CXCL5: variants seen among roughly 807,000 people sequenced by gnomAD.
CXCL5 encodes C-X-C motif chemokine ligand 5.
CXCL5 carries 13 observed loss-of-function variants against 12.1 expected under a neutral mutation model. That is an observed-to-expected ratio of 1.08 (90% confidence interval 0.70 to 1.71). The LOEUF (loss-of-function observed/expected upper bound fraction) is 1.71, where lower values mean the gene tolerates loss of function less well. CXCL5 is among the 40% of genes most tolerant of loss of function. The pLI, the probability that CXCL5 is intolerant of heterozygous loss-of-function variation, is 0.00. For missense variants in CXCL5, 159 were observed against 142.4 expected (o/e 1.12, Z -0.59); for synonymous variants, 67 against 59.0 (o/e 1.14, Z -0.62).
At chr4:73,997,705 T>C (rs781381640) in intron 3 of CXCL5, 50 bp from the exon 4 acceptor site, 1 of 1,412,232 alleles carries the variant, frequency 7.1e-7, no homozygotes, top group Admixed American at 2.0e-5. Flanking sequence ...CACTCCTTTC[T>C]ACTCCACCCT....
In CXCL5 at chr4:73,997,189, A is replaced by G. The variant is rs1719212451; in HGVS notation, c.*448T>C. On this transcript the variant is annotated 3_prime_UTR_variant, in exon 4 of 4. Coordinates refer to ENST00000296027, the MANE Select transcript of CXCL5 (RefSeq NM_002994.5). The stretch of plus-strand genomic sequence containing the variant: ...TATTTCTTATAAAAGTGAAGATAAC[A>G]GTGTATTTCCATCAACAGAATTCTT... 6.4e-6 allele frequency: 1 copy of G among 155,724 alleles called. No individual in the cohort carries two copies. Among genetic ancestry groups the G allele is most frequent in the Non-Finnish European group, 1.4e-5 (1 of 70,536 alleles). The allele number at this position is 155,724 out of a possible 1,614,324, so 9.6% of individuals were successfully genotyped here.
At position 73,997,634 on chromosome 4, in the gene CXCL5, T is replaced by G. The variant is rs775872229; in HGVS notation, c.*3A>C. 1.9e-6 allele frequency: 3 copies of G among 1,609,778 alleles called. No individual in the cohort carries two copies. In the South Asian group the frequency reaches 3.3e-5, roughly 18 times the overall value. On this transcript the variant is annotated 3_prime_UTR_variant, in exon 4 of 4. Transcript: ENST00000296027. ...CTTTTCCATGCGTGCTCATTTCTCT[T>G]AATCAGTTTTCCTTGTTTCCACTGT...
Position 73,997,556 on chromosome 4 carries a change from T to C in CXCL5, c.*81A>G, listed in dbSNP as rs1187447413. 2.0e-6 allele frequency: 2 copies of C among 1,024,884 alleles called. No individual in the cohort carries two copies. Among genetic ancestry groups the C allele is most frequent in the Non-Finnish European group, 3.0e-6 (2 of 675,632 alleles). The allele number at this position is 1,024,884 out of a possible 1,614,324, so 63.5% of individuals were successfully genotyped here. Reference sequence around the variant, plus strand: ...ACAACAACAAAATCTTTCCTTCTTGTCTTCCCTGGGTTCAGAGACCTCCAG... The same window carrying C: ...ACAACAACAAAATCTTTCCTTCTTGCCTTCCCTGGGTTCAGAGACCTCCAG... On this transcript the variant is annotated 3_prime_UTR_variant, in exon 4 of 4. Coordinates refer to ENST00000296027, the MANE Select transcript of CXCL5 (RefSeq NM_002994.5).
chr4:73,998,389 C>G (rs891770891), intron 1 of CXCL5, 51 bp from the exon 2 acceptor site: 1 of 1,609,864 alleles, frequency 6.2e-7, no homozygotes, highest in East Asian at 2.2e-5. Flanking sequence ...TGGGAGAGTT[C>G]CCTGGAACGC....
Position 73,998,051 on chromosome 4 carries a change from G to A in CXCL5, c.287C>T (p.Ala96Val). 2 of 1,614,116 alleles carry A rather than the reference G, an allele frequency of 1.2e-6. No individual in the cohort carries two copies. Among genetic ancestry groups the A allele is most frequent in the Non-Finnish European group, 1.7e-6 (2 of 1,180,034 alleles). Residue 96 changes from alanine to valine, a missense_variant, in exon 3 of 4, where the codon GCC (alanine) becomes GTC (valine). Ala to Val is a moderately conservative substitution (Grantham distance 64, BLOSUM62 0). Transcript: ENST00000296027. ...NGKEICLDPEAPFLKKVIQKI... is the reference protein window; with the variant it reads ...NGKEICLDPEVPFLKKVIQKI... ...CTGGATGACTTTCTTTAGAAAAGGG[G>A]CTTCTGGATCAAGACAAATTTCCTT... is the stretch of plus-strand genomic sequence containing the variant.
In CXCL5 at chr4:73,997,644, T is replaced by C. The variant is rs199779476; in HGVS notation, c.338A>G (p.Glu113Gly). The C allele has an allele frequency of 5.2e-5, 84 of 1,609,870 alleles. No homozygotes were observed. The highest frequency in any genetic ancestry group is 5.2e-5 in the Non-Finnish European group (61 of 1,177,632). The part of the protein sequence containing the change: ...IQKILDGGNK[E>G]N ...CGTGCTCATTTCTCTTAATCAGTTT[T>C]CCTTGTTTCCACTGTTGAGAAAAAT... The change falls in exon 4 of 4, where the codon GAA (glutamate) becomes GGA (glycine). Residue 113 changes from glutamate (E) to glycine (G), a missense_variant. By Grantham distance (98) the Glu-to-Gly change is moderately conservative. Coordinates refer to ENST00000296027, the MANE Select transcript of CXCL5 (RefSeq NM_002994.5).
rs745536763 is a variant in CXCL5 at position 73,998,500 on chromosome 4, G to A, written c.82C>T (p.Leu28=). Residue 28 remains leucine (L), a synonymous_variant, in exon 1 of 4, where the codon CTG becomes TTG. Transcript: ENST00000296027. The part of the protein sequence containing the change: ...LCALLVLLLL[L]TQPGPIASAG... ...CTGGCGATGGGCCCTGGCTGCGTCA[G>A]CAGCAGCAGCAGCACCAACAGCGCG... is the stretch of plus-strand genomic sequence containing the variant. 8.9e-6 allele frequency: 14 copies of A among 1,565,904 alleles called. No individual in the cohort carries two copies. The East Asian group carries it at 3.0e-4, about 34-fold the overall frequency.
At position 73,997,612 on chromosome 4, in the gene CXCL5, T is replaced by G. The variant is rs777989099; in HGVS notation, c.*25A>C. On this transcript the variant is annotated 3_prime_UTR_variant, in exon 4 of 4. Coordinates refer to ENST00000296027, the MANE Select transcript of CXCL5 (RefSeq NM_002994.5). ...TTCTCTGCTGAAGACTGGGAAACTT[T>G]TCCATGCGTGCTCATTTCTCTTAAT... 1 of 1,601,984 alleles carries G rather than the reference T, an allele frequency of 6.2e-7. No homozygotes were observed. Among genetic ancestry groups the G allele is most frequent in the Non-Finnish European group, 8.5e-7 (1 of 1,172,284 alleles).
chr4:73,995,687 G>A lies in CXCL5; in HGVS notation c.*1950C>T, dbSNP rs1178232663. On this transcript the variant is annotated 3_prime_UTR_variant, in exon 4 of 4. Coordinates refer to ENST00000296027, the MANE Select transcript of CXCL5 (RefSeq NM_002994.5). ...ATGTTTATTCAAAGGACAAAATAAAGACTATGAACCAATGAGACACATAGT... is the reference window on the plus strand; with the variant it reads ...ATGTTTATTCAAAGGACAAAATAAAAACTATGAACCAATGAGACACATAGT... 6.6e-6 allele frequency: 1 copy of A among 151,766 alleles called. No homozygotes were observed. Among genetic ancestry groups the A allele is most frequent in the Non-Finnish European group, 1.5e-5 (1 of 67,932 alleles). 9.4% of individuals were successfully genotyped at this position (151,766 alleles called of 1,614,324 possible). A position where few individuals can be genotyped will look rare whatever the true frequency, so the allele number is the denominator to read the frequency against.
chr4:73,998,367 A>G (rs1436513519), intron 1 of CXCL5, 29 bp from the exon 2 acceptor site: 1 of 1,613,046 alleles, frequency 6.2e-7, no homozygotes, highest in Non-Finnish European at 8.5e-7. Context: ...CACCCTTTAT[A>G]GGGCAGGTTG....
Position 73,998,106 on chromosome 4 carries a change from GA to G in CXCL5, c.243-12del. 6.2e-7 allele frequency: 1 copy of G among 1,613,110 alleles called. No homozygotes were observed. The highest frequency in any genetic ancestry group is 1.3e-5 in the African/African-American group (1 of 74,838). On this transcript the variant is annotated splice_polypyrimidine_tract_variant and intron_variant, in intron 2 of 3. Transcript: ENST00000296027. ...TTCTTCAGGGAGGCTCTGAAGGAAA[GA>G]AAAAGAAGATACACTCATGAGATAC...
At position 73,998,045 on chromosome 4, in the gene CXCL5, A is replaced by G. The variant is rs756196974; in HGVS notation, c.293T>C (p.Phe98Ser). Residue 98 changes from phenylalanine (F) to serine (S), a missense_variant, in exon 3 of 4, where the codon TTT becomes TCT. Physicochemically the swap from Phe to Ser is radical, Grantham distance 155. Coordinates refer to ENST00000296027, the MANE Select transcript of CXCL5 (RefSeq NM_002994.5). ...AATTTTCTGGATGACTTTCTTTAGAAAAGGGGCTTCTGGATCAAGACAAAT... is the reference window on the plus strand; with the variant it reads ...AATTTTCTGGATGACTTTCTTTAGAGAAGGGGCTTCTGGATCAAGACAAAT... ...KEICLDPEAP[F>S]LKKVIQKILD... 1.9e-6 allele frequency: 3 copies of G among 1,614,180 alleles called. No individual in the cohort carries two copies. The South Asian group carries it at 3.3e-5, about 18-fold the overall frequency.
rs1301592379 is a variant in CXCL5, at chr4:73,995,959, A to T, written c.*1678T>A. The stretch of plus-strand genomic sequence containing the variant: ...GTTTTGTTTTTGCCATTTAAATATT[A>T]TCACAGAATCCTATTCTGAAAGACA... On this transcript the variant is annotated 3_prime_UTR_variant, in exon 4 of 4. Coordinates refer to ENST00000296027, the MANE Select transcript of CXCL5 (RefSeq NM_002994.5). 1 of 152,224 alleles carries T rather than the reference A, an allele frequency of 6.6e-6. No homozygotes were observed. The highest frequency in any genetic ancestry group is 1.9e-4 in the East Asian group (1 of 5,198). 9.4% of individuals were successfully genotyped at this position (152,224 alleles called of 1,614,324 possible).
chr4:73,997,271 T>C lies in CXCL5; in HGVS notation c.*366A>G, dbSNP rs1719214066. The C allele has an allele frequency of 4.9e-6, 1 of 205,392 alleles. No homozygotes were observed. The highest frequency in any genetic ancestry group is 2.3e-5 in the African/African-American group (1 of 43,658). 12.7% of individuals were successfully genotyped at this position (205,392 alleles called of 1,614,324 possible). A position where few individuals can be genotyped will look rare whatever the true frequency, so the allele number is the denominator to read the frequency against. ...CCTTCTCAGTTAATATCTTAAGGAA[T>C]ATTTCTTGGAAATATAATAGTCACC... On this transcript the variant is annotated 3_prime_UTR_variant, in exon 4 of 4. Transcript: ENST00000296027.
rs1041402962 is a variant in CXCL5, at chr4:73,995,847, A to G, written c.*1790T>C. On this transcript the variant is annotated 3_prime_UTR_variant, in exon 4 of 4. Transcript: ENST00000296027. Reference sequence around the variant, plus strand: ...GCTAAATATATAATATATATTATATATAAATATATAATATATAAATACATA... The same window carrying G: ...GCTAAATATATAATATATATTATATGTAAATATATAATATATAAATACATA... 7.4e-5 allele frequency: 11 copies of G among 148,244 alleles called. No homozygotes were observed. Among genetic ancestry groups the G allele is most frequent in the African/African-American group, 2.7e-4 (11 of 40,888 alleles). The allele number at this position is 148,244 out of a possible 1,614,324, so 9.2% of individuals were successfully genotyped here.
At chr4:73,997,695 C>T in intron 3 of CXCL5, 40 bp from the exon 4 acceptor site, 1 of 1,516,844 alleles carries the variant, frequency 6.6e-7, no homozygotes, top group Non-Finnish European at 9.1e-7. Context: ...CCATTTTTCA[C>T]ACTCCTTTCT....
intron 1 of CXCL5, 54 bp from the exon 2 acceptor site, chr4:73,998,392 T>G: frequency 2.5e-6 from 4 of 1,609,760 alleles, no homozygotes; most frequent in Non-Finnish European, 3.4e-6. Flanking sequence ...GAGAGTTCCC[T>G]GGAACGCAGC....
chr4:73,998,024 T>A lies in CXCL5; in HGVS notation c.314A>T (p.Lys105Ile), dbSNP rs754782309. Residue 105 changes from lysine (K) to isoleucine (I), a missense_variant, in exon 3 of 4, where the codon AAA (lysine) becomes ATA (isoleucine). Transcript: ENST00000296027. ...EAPFLKKVIQ[K>I]ILDGGNKEN ...AAGTGACAAGTACCCGTCCAAAATT[T>A]TCTGGATGACTTTCTTTAGAAAAGG... is the stretch of plus-strand genomic sequence containing the variant. 5 of 1,613,964 alleles carry A rather than the reference T, an allele frequency of 3.1e-6. No homozygotes were observed. In the South Asian group the frequency reaches 4.4e-5, roughly 14 times the overall value.
Position 73,996,584 on chromosome 4 carries a change from T to A in CXCL5, c.*1053A>T, listed in dbSNP as rs896125095. 9 of 151,376 alleles carry A rather than the reference T, an allele frequency of 5.9e-5. No individual in the cohort carries two copies. The highest frequency in any genetic ancestry group is 2.2e-4 in the African/African-American group (9 of 41,098). The allele number at this position is 151,376 out of a possible 1,614,324, so 9.4% of individuals were successfully genotyped here. On this transcript the variant is annotated 3_prime_UTR_variant, in exon 4 of 4. Coordinates refer to ENST00000296027, the MANE Select transcript of CXCL5 (RefSeq NM_002994.5). ...ACATCCCTTGGACAACTTCTCCTTG[T>A]TTTTTTTTGTTTTGTTTTGTTTTTA...
Sources: gnomAD v4.1 joint callset for allele counts on GRCh38, gnomAD v4.1.1 for gene constraint, MANE v1.5 for transcripts, NCBI Gene and HGNC (gene_info 2026-07-23, HGNC 2026-07-21) for gene names.